PSMD7: variants seen among roughly 807,000 people sequenced by gnomAD.
The protein encoded by PSMD7 is proteasome 26S subunit, non-ATPase 7.
In PSMD7, 13 loss-of-function variants were observed where a neutral mutation model predicts 36.4. That is an observed-to-expected ratio of 0.36 (90% confidence interval 0.23 to 0.57). The LOEUF (loss-of-function observed/expected upper bound fraction) is 0.57. Ranked by LOEUF, PSMD7 falls within the 20% of genes least tolerant of loss-of-function variation. The pLI, the probability that PSMD7 is intolerant of heterozygous loss-of-function variation, is 0.83. For missense variants in PSMD7, 298 were observed against 393.6 expected, an observed-to-expected ratio of 0.76 and a Z score of 2.06; for synonymous variants, 186 against 151.0, an observed-to-expected ratio of 1.23 and a Z score of -1.70.
chr16:74,305,704 A>AAGAAAGAGG lies in PSMD7; in HGVS notation c.952_960dup (p.Glu318_Lys320dup). 6.8e-7 allele frequency: 1 copy of AAGAAAGAGG among 1,461,622 alleles called. No homozygotes were observed. Among genetic ancestry groups the AAGAAAGAGG allele is most frequent in the Middle Eastern group, 1.8e-4 (1 of 5,486 alleles). 90.5% of individuals were successfully genotyped at this position (1,461,622 alleles called of 1,614,324 possible). Reference sequence around the variant, plus strand: ...TAAAGATAAGGAAAAGAGTGATGTAAAGAAAGAGGAGAAAAAGGAGAAAAA... The same window carrying AAGAAAGAGG: ...TAAAGATAAGGAAAAGAGTGATGTAAAGAAAGAGGAGAAAGAGGAGAAAAAGGAGAAAAA... On this transcript the variant is annotated inframe_insertion, in exon 7 of 7. Coordinates refer to ENST00000219313, the MANE Select transcript of PSMD7 (RefSeq NM_002811.5).
chr16:74,305,610 T>G lies in PSMD7; in HGVS notation c.852T>G (p.Asp284Glu), dbSNP rs750638131. Residue 284 changes from aspartate to glutamate, a missense_variant, in exon 7 of 7, where the codon GAT becomes GAG. Transcript: ENST00000219313. The part of the protein sequence containing the change: ...NLINNKIANR[D>E]AEKKEGQEKE... ...TCAACAACAAGATTGCCAACCGGGA[T>G]GCAGAGAAGAAAGAAGGGCAGGAGA... is the stretch of plus-strand genomic sequence containing the variant. 3.1e-6 allele frequency: 5 copies of G among 1,597,806 alleles called. No individual in the cohort carries two copies. In the South Asian group the frequency reaches 5.5e-5, roughly 18 times the overall value.
intron 1 of PSMD7, 87 bp downstream of exon 1, chr16:74,297,075 G>A (rs1262765667): frequency 1.4e-6 from 2 of 1,419,888 alleles, no homozygotes; most frequent in Non-Finnish European, 2.0e-6. Flanking sequence ...CCGCGGACGA[G>A]CTGGGGACGC....
At chr16:74,300,511 G>A (rs952650260) in intron 2 of PSMD7, 3 of 393,348 alleles carry the variant, frequency 7.6e-6, no homozygotes, top group South Asian at 6.1e-5. Flanking sequence ...CAGGCAGCTG[G>A]CACAGTTTGT....
intron 1 of PSMD7, 42 bp from the exon 2 acceptor site, chr16:74,300,073 T>C (rs1038126036): frequency 6.6e-7 from 1 of 1,524,524 alleles, no homozygotes; most frequent in Non-Finnish European, 9.1e-7. Flanking sequence ...TTCATGTTTC[T>C]GTGCGAGCCT....
rs769966707 is a variant in PSMD7, at chr16:74,301,577, G to A, written c.282G>A (p.Trp94Ter). The A allele has an allele frequency of 6.2e-7, 1 of 1,613,310 alleles. No individual in the cohort carries two copies. The highest frequency in any genetic ancestry group is 8.5e-7 in the Non-Finnish European group (1 of 1,179,480). Residue 94 changes from tryptophan (W) to a stop codon, truncating the protein, a stop_gained, in exon 4 of 7, where the codon TGG becomes TGA. Coordinates refer to ENST00000219313, the MANE Select transcript of PSMD7 (RefSeq NM_002811.5). LOFTEE classifies it high-confidence loss of function. The stretch of plus-strand genomic sequence containing the variant: ...TAGCCAGGGAAAGAATAGTTGGCTG[G>A]TACCACACAGGCCCTAAACTACACA... The part of the protein sequence containing the change: ...KVNARERIVG[W>*]YHTGPKLHKN...
At position 74,300,096 on chromosome 16, in the gene PSMD7, C is replaced by T; in HGVS notation, c.75-19C>T. The T allele has an allele frequency of 6.2e-7, 1 of 1,609,046 alleles. No homozygotes were observed. Among genetic ancestry groups the T allele is most frequent in the South Asian group, 1.1e-5 (1 of 90,994 alleles). ...TCTGTGCGAGCCTATCCACACTGAC[C>T]ATCTGTTTTCTCATTCAGAATCGGC... is the stretch of plus-strand genomic sequence containing the variant. On this transcript the variant is annotated intron_variant, in intron 1 of 6. Coordinates refer to ENST00000219313, the MANE Select transcript of PSMD7 (RefSeq NM_002811.5).
rs2034117517 is a variant in PSMD7 at position 74,296,939 on chromosome 16, G to A, written c.25G>A (p.Val9Met). MPELAVQK[V>M]VVHPLVLLSV... Reference sequence around the variant, plus strand: ...GATGCCGGAGCTGGCAGTGCAGAAGGTGGTGGTCCACCCCCTGGTGCTGCT... The same window carrying A: ...GATGCCGGAGCTGGCAGTGCAGAAGATGGTGGTCCACCCCCTGGTGCTGCT... Residue 9 changes from valine (V) to methionine (M), a missense_variant, in exon 1 of 7, where the codon GTG becomes ATG. Val to Met is a conservative substitution (Grantham distance 21, BLOSUM62 1). Coordinates refer to ENST00000219313, the MANE Select transcript of PSMD7 (RefSeq NM_002811.5). The A allele has an allele frequency of 6.2e-7, 1 of 1,613,508 alleles. No individual in the cohort carries two copies. The highest frequency in any genetic ancestry group is 8.5e-7 in the Non-Finnish European group (1 of 1,179,884).
At position 74,300,126 on chromosome 16, in the gene PSMD7, T is replaced by C. The variant is rs1052935111; in HGVS notation, c.86T>C (p.Val29Ala). The change falls in exon 2 of 7, where the codon GTT becomes GCT. Residue 29 changes from valine (V) to alanine (A), a missense_variant. Val to Ala is a moderately conservative substitution (Grantham distance 64). Coordinates refer to ENST00000219313, the MANE Select transcript of PSMD7 (RefSeq NM_002811.5). ...GTTTTCTCATTCAGAATCGGCAAGG[T>C]TGGAAACCAGAAGCGTGTTGTTGGT... Reference protein sequence around the residue: ...VVDHFNRIGKVGNQKRVVGVL... With the variant: ...VVDHFNRIGKAGNQKRVVGVL... 6.8e-6 allele frequency: 11 copies of C among 1,614,038 alleles called. No homozygotes were observed. The highest frequency in any genetic ancestry group is 1.7e-5 in the Admixed American group (1 of 60,004).
At chr16:74,298,262 A>C (rs1341163661) in intron 1 of PSMD7, among the ~76,000 whole-genome samples, 2 of 152,012 alleles carry the variant, frequency 1.3e-5, no homozygotes, top group East Asian at 3.9e-4. Context: ...GAGGGTGTAC[A>C]TCCACCACCT....
At chr16:74,297,063 G>T (rs931485439) in intron 1 of PSMD7, 75 bp downstream of exon 1, 7 of 1,502,920 alleles carry the variant, frequency 4.7e-6, no homozygotes, top group Non-Finnish European at 6.4e-6. Context: ...ATGGCGCGGC[G>T]GCCGCGGACG....
intron 5 of PSMD7, among the ~76,000 whole-genome samples, chr16:74,303,270 A>T (rs2034170392): frequency 2.6e-5 from 4 of 152,236 alleles, no homozygotes; most frequent in Admixed American, 2.0e-4. Context: ...ATCCTAAATA[A>T]AATAATCACG....
chr16:74,299,558 T>C lies in PSMD7; in HGVS notation c.75-557T>C, dbSNP rs1184317325. On this transcript the variant is annotated intron_variant, in intron 1 of 6. Coordinates refer to ENST00000219313, the MANE Select transcript of PSMD7 (RefSeq NM_002811.5). The stretch of plus-strand genomic sequence containing the variant: ...ATCCCCACTATGCCCGGCTAAGTTT[T>C]GTATTTTTTGTAGACAGGGTTTCGC... 62 of 455,442 alleles carry C rather than the reference T, an allele frequency of 1.4e-4. 2 individuals are homozygous for C. The highest frequency in any genetic ancestry group is 1.3e-3 in the Admixed American group (54 of 42,494). 28.2% of individuals were successfully genotyped at this position (455,442 alleles called of 1,614,324 possible). A position where few individuals can be genotyped will look rare whatever the true frequency, so the allele number is the denominator to read the frequency against.
chr16:74,300,145 T>G lies in PSMD7; in HGVS notation c.105T>G (p.Val35=). 1 of 1,614,212 alleles carries G rather than the reference T, an allele frequency of 6.2e-7. No homozygotes were observed. The highest frequency in any genetic ancestry group is 8.5e-7 in the Non-Finnish European group (1 of 1,180,024). The part of the protein sequence containing the change: ...RIGKVGNQKR[V]VGVLLGSWQK... ...GCAAGGTTGGAAACCAGAAGCGTGT[T>G]GTTGGTGTGCTTTTGGGGTCATGGC... The change falls in exon 2 of 7, where the codon GTT becomes GTG. Residue 35 remains valine (V), a synonymous_variant. Transcript: ENST00000219313.
At chr16:74,302,557 T>C (rs1459236364) in intron 5 of PSMD7, among the ~76,000 whole-genome samples, 3 of 152,088 alleles carry the variant, frequency 2.0e-5, no homozygotes, top group Non-Finnish European at 4.4e-5. Flanking sequence ...AAGACCAGCC[T>C]GGGCAACATA....
chr16:74,300,119 G>C lies in PSMD7; in HGVS notation c.79G>C (p.Gly27Arg), dbSNP rs1433247617. ...ACCATCTGTTTTCTCATTCAGAATC[G>C]GCAAGGTTGGAAACCAGAAGCGTGT... ...LSVVDHFNRI[G>R]KVGNQKRVVG... Residue 27 changes from glycine to arginine, a missense_variant, in exon 2 of 7, where the codon GGC becomes CGC. Gly to Arg is a moderately radical substitution (Grantham distance 125). Coordinates refer to ENST00000219313, the MANE Select transcript of PSMD7 (RefSeq NM_002811.5). 2 of 1,613,908 alleles carry C rather than the reference G, an allele frequency of 1.2e-6. No homozygotes were observed. Among genetic ancestry groups the C allele is most frequent in the African/African-American group, 2.7e-5 (2 of 74,880 alleles).
At chr16:74,297,375 G>T (rs2034122004) in intron 1 of PSMD7, among the ~76,000 whole-genome samples, 1 of 151,698 alleles carries the variant, frequency 6.6e-6, no homozygotes, top group East Asian at 2.0e-4. Flanking sequence ...TTTGAAGTTC[G>T]TTTTGCCGAA....
At chr16:74,301,222 ACAT>A in intron 3 of PSMD7, 78 bp downstream of exon 3, 1 of 935,652 alleles carries the variant, frequency 1.1e-6, no homozygotes, top group Non-Finnish European at 1.6e-6. Flanking sequence ...CTTTTCTTTA[ACAT>A]CAAGGGCCCT....
At position 74,305,407 on chromosome 16, in the gene PSMD7, A is replaced by G. The variant is rs1005424819; in HGVS notation, c.649A>G (p.Thr217Ala). Reference sequence around the variant, plus strand: ...CAGGAGCTACCTGGAAAAAGTCGCCACAGGCAAGCTGCCCATCAACCACCA... The same window carrying G: ...CAGGAGCTACCTGGAAAAAGTCGCCGCAGGCAAGCTGCCCATCAACCACCA... ...DIRSYLEKVA[T>A]GKLPINHQII... The change falls in exon 7 of 7, where the codon ACA becomes GCA. Residue 217 changes from threonine to alanine, a missense_variant. Coordinates refer to ENST00000219313, the MANE Select transcript of PSMD7 (RefSeq NM_002811.5). 1 of 1,614,236 alleles carries G rather than the reference A, an allele frequency of 6.2e-7. No homozygotes were observed. Among genetic ancestry groups the G allele is most frequent in the South Asian group, 1.1e-5 (1 of 91,088 alleles).
At chr16:74,303,228 A>C (rs1266499823) in intron 5 of PSMD7, among the ~76,000 whole-genome samples, 2 of 152,270 alleles carry the variant, frequency 1.3e-5, no homozygotes, top group African/African-American at 2.4e-5. Flanking sequence ...ATCCAAAGCA[A>C]AGAGGAGAAT....
Sources: gnomAD v4.1 joint callset for allele counts (sites outside exome capture counted in the v4.1 genomes callset) on GRCh38, gnomAD v4.1.1 for gene constraint, MANE v1.5 for transcripts, NCBI Gene and HGNC (gene_info 2026-07-23, HGNC 2026-07-21) for gene names.